ADRA1D: variants seen among roughly 807,000 people sequenced by gnomAD.
ADRA1D encodes alpha-1D adrenergic receptor.
ADRA1D carries 22 observed loss-of-function variants against 18.6 expected under a neutral mutation model. The observed-to-expected ratio is 1.19, with a 90% confidence interval of 0.85 to 1.69. ADRA1D has a LOEUF of 1.69. Among genes scored for constraint, ADRA1D ranks in the 40% most tolerant of loss-of-function variants. ADRA1D has a pLI of 0.00. For missense variants in ADRA1D, 840 were observed against 840.7 expected, an observed-to-expected ratio of 1.00 and a Z score of 0.01; for synonymous variants, 376 against 388.2, an observed-to-expected ratio of 0.97 and a Z score of 0.37.
At chr20:4,236,776 G>T (rs541691537) in intron 1 of ADRA1D, among the ~76,000 whole-genome samples, 1 of 152,286 alleles carries the variant, frequency 6.6e-6, no homozygotes, top group East Asian at 1.9e-4. Context: ...AGAGGGAGAC[G>T]TGGCAACAGA....
intron 1 of ADRA1D, among the ~76,000 whole-genome samples, chr20:4,235,667 G>T (rs1292579766): frequency 6.6e-6 from 1 of 152,236 alleles, no homozygotes; most frequent in Non-Finnish European, 1.5e-5. Context: ...GGGAGAGAAG[G>T]TTCCCAGGCA....
chr20:4,221,722 G>T lies in ADRA1D; in HGVS notation c.1520C>A (p.Thr507Lys), dbSNP rs370147908. Residue 507 changes from threonine to lysine, a missense_variant, in exon 2 of 2, where the codon ACG (threonine) becomes AAG (lysine). Thr to Lys is a moderately conservative substitution (Grantham distance 78, BLOSUM62 -1). Coordinates refer to ENST00000379453, the MANE Select transcript of ADRA1D (RefSeq NM_000678.4). ...GGAGACTTTGGCGCGCAGCTGGGTC[G>T]TGGGTCTCCGGAACGGCCCCAGCAG... ...WRLLGPFRRPTTQLRAKVSSL... is the reference protein window; with the variant it reads ...WRLLGPFRRPKTQLRAKVSSL... The T allele has an allele frequency of 6.2e-7, 1 of 1,608,016 alleles. No homozygotes were observed.
chr20:4,222,414 C>G lies in ADRA1D; in HGVS notation c.1112-284G>C. 6.3e-6 allele frequency: 2 copies of G among 315,860 alleles called. No homozygotes were observed. The highest frequency in any genetic ancestry group is 9.7e-5 in the Admixed American group (2 of 20,570). 19.6% of individuals were successfully genotyped at this position (315,860 alleles called of 1,614,324 possible). A position where few individuals can be genotyped will look rare whatever the true frequency, so the allele number is the denominator to read the frequency against. On this transcript the variant is annotated intron_variant, in intron 1 of 1. Transcript: ENST00000379453. The surrounding 1 kb of genome is among the most constrained non-coding windows in gnomAD (Gnocchi z 4.3). ...ACGTGCAATTGCTGTTTTTGTAGCTCAAAACCGGTGCAATATTGGCAGTTT... is the reference window on the plus strand; with the variant it reads ...ACGTGCAATTGCTGTTTTTGTAGCTGAAAACCGGTGCAATATTGGCAGTTT...
chr20:4,244,951 C>CATT, intron 1 of ADRA1D, among the ~76,000 whole-genome samples: 1 of 152,338 alleles, frequency 6.6e-6, no homozygotes, highest in Non-Finnish European at 1.5e-5. Flanking sequence ...CAGCACAGAC[C>CATT]ATTAGGAAGG....
intron 1 of ADRA1D, among the ~76,000 whole-genome samples, chr20:4,223,964 G>T (rs916699401): frequency 2.6e-5 from 4 of 152,178 alleles, no homozygotes; most frequent in Non-Finnish European, 4.4e-5. Context: ...CATGTAGGGT[G>T]GCAGCCACAG....
At chr20:4,246,199 T>C (rs1981333498) in intron 1 of ADRA1D, among the ~76,000 whole-genome samples, 2 of 152,042 alleles carry the variant, frequency 1.3e-5, no homozygotes, top group Admixed American at 1.3e-4. Flanking sequence ...GTGGACTCAG[T>C]GATGACCCAG....
At position 4,221,924 on chromosome 20, in the gene ADRA1D, C is replaced by T. The variant is rs112231239; in HGVS notation, c.1318G>A (p.Ala440Thr). The T allele has an allele frequency of 6.5e-7, 1 of 1,530,918 alleles. No homozygotes were observed. Among genetic ancestry groups the T allele is most frequent in the African/African-American group, 1.4e-5 (1 of 71,512 alleles). 94.8% of individuals were successfully genotyped at this position (1,530,918 alleles called of 1,614,324 possible). ...TCCTGGCGCAGGCCGCTGGTGGAGG[C>T]CCGCCAGTGGTGGCCGTAGACACGC... ...LWRVYGHHWR[A>T]STSGLRQDCA... The change falls in exon 2 of 2, where the codon GCC becomes ACC. Residue 440 changes from alanine (A) to threonine (T), a missense_variant. Ala to Thr is a moderately conservative substitution (Grantham distance 58). Coordinates refer to ENST00000379453, the MANE Select transcript of ADRA1D (RefSeq NM_000678.4).
rs1044119821 is a variant in ADRA1D at position 4,249,147 on chromosome 20, G to C, written c.-190C>G. ...GAGCTGCCTGGCCCGGGCGGCGGCC[G>C]GGCTCCCCGAGGCCGGCCGTGGAGT... On this transcript the variant is annotated 5_prime_UTR_variant, in exon 1 of 2. Coordinates refer to ENST00000379453, the MANE Select transcript of ADRA1D (RefSeq NM_000678.4). 4.2e-5 allele frequency: 13 copies of C among 312,838 alleles called. No individual in the cohort carries two copies. Among genetic ancestry groups the C allele is most frequent in the Non-Finnish European group, 5.4e-5 (11 of 203,318 alleles). 19.4% of individuals were successfully genotyped at this position (312,838 alleles called of 1,614,324 possible).
Position 4,248,757 on chromosome 20 carries a change from G to A in ADRA1D, c.201C>T (p.Ser67=). The A allele has an allele frequency of 6.7e-7, 1 of 1,482,570 alleles. No individual in the cohort carries two copies. The allele number at this position is 1,482,570 out of a possible 1,614,324, so 91.8% of individuals were successfully genotyped here. ...VGAGSGEDNR[S]SAGEPGSAGA... ...CCGCGCTCCCCGGCTCCCCCGCGGA[G>A]CTCCGGTTGTCCTCGCCGCTGCCTG... Residue 67 remains serine, a synonymous_variant, in exon 1 of 2, where the codon AGC becomes AGT. Coordinates refer to ENST00000379453, the MANE Select transcript of ADRA1D (RefSeq NM_000678.4).
chr20:4,225,575 T>G (rs1333201861), intron 1 of ADRA1D, among the ~76,000 whole-genome samples: 1 of 151,792 alleles, frequency 6.6e-6, no homozygotes, highest in Non-Finnish European at 1.5e-5. Context: ...GGGTGCACCA[T>G]CATATTCGGC....
chr20:4,238,426 CT>C (rs772129867), intron 1 of ADRA1D, among the ~76,000 whole-genome samples: 3 of 152,064 alleles, frequency 2.0e-5, no homozygotes, highest in Non-Finnish European at 4.4e-5. Context: ...GAGGGAGAAT[CT>C]TTAAGAAAGC....
intron 1 of ADRA1D, among the ~76,000 whole-genome samples, chr20:4,232,216 C>T (rs1265392506): frequency 1.3e-5 from 2 of 152,204 alleles, no homozygotes; most frequent in Non-Finnish European, 2.9e-5. Context: ...GCCCGGCAGC[C>T]TCTGGGTTTT....
chr20:4,245,675 G>A (rs1981319746), intron 1 of ADRA1D, among the ~76,000 whole-genome samples: 1 of 152,232 alleles, frequency 6.6e-6, no homozygotes, highest in Admixed American at 6.5e-5. Flanking sequence ...TTCTACACAG[G>A]TTGGGCGTTC....
Position 4,222,948 on chromosome 20 carries a change from C to A in ADRA1D, c.1112-818G>T, listed in dbSNP as rs541479235. ...GTTAATTTTTTAAAAGCTTTTTTTT[C>A]TTTAATTGATAATATGATTCAAACG... On this transcript the variant is annotated intron_variant, in intron 1 of 1. Transcript: ENST00000379453. This position sits in a 1 kb window ranked among gnomAD's most constrained non-coding sequence, Gnocchi z 4.3. Among the ~76,000 whole-genome samples, 3 of 152,050 alleles carry A rather than the reference C, an allele frequency of 2.0e-5. No individual in the cohort carries two copies. The East Asian group carries it at 5.8e-4, about 29-fold the overall frequency.
At chr20:4,225,380 T>C (rs892266093) in intron 1 of ADRA1D, among the ~76,000 whole-genome samples, 1 of 151,670 alleles carries the variant, frequency 6.6e-6, no homozygotes, top group African/African-American at 2.4e-5. Context: ...TCCCAGCACT[T>C]AGCAGGCTCT....
At position 4,248,475 on chromosome 20, in the gene ADRA1D, G is replaced by A; in HGVS notation, c.483C>T (p.Phe161=). 1 of 1,613,384 alleles carries A rather than the reference G, an allele frequency of 6.2e-7. No individual in the cohort carries two copies. Among genetic ancestry groups the A allele is most frequent in the Middle Eastern group, 1.7e-4 (1 of 6,060 alleles). The part of the protein sequence containing the change: ...PFSATMEVLG[F]WAFGRAFCDV... ...CGCAGAAGGCGCGGCCAAAGGCCCA[G>A]AAGCCCAGAACCTCCATGGTGGCCG... The change falls in exon 1 of 2, where the codon TTC becomes TTT. Residue 161 remains phenylalanine (F), a synonymous_variant. Coordinates refer to ENST00000379453, the MANE Select transcript of ADRA1D (RefSeq NM_000678.4).
intron 1 of ADRA1D, among the ~76,000 whole-genome samples, chr20:4,237,657 ATTTTTTT>A (rs11476310): frequency 2.5e-5 from 3 of 121,058 alleles, no homozygotes; most frequent in African/African-American, 9.2e-5. Context: ...TAATGTCAGG[ATTTTTTT>A]TTTTTTTTTT....
chr20:4,235,044 G>A (rs549856717), intron 1 of ADRA1D, among the ~76,000 whole-genome samples: 68 of 152,218 alleles, frequency 4.5e-4, no homozygotes, highest in Non-Finnish European at 5.7e-4. Context: ...AAGACTCGAA[G>A]GGGTGAGTCG....
chr20:4,240,175 C>T (rs914980846), intron 1 of ADRA1D, among the ~76,000 whole-genome samples: 9 of 152,112 alleles, frequency 5.9e-5, no homozygotes, highest in Non-Finnish European at 1.3e-4. Flanking sequence ...ACAGGATACA[C>T]CTGGGGACAA....
Sources: gnomAD v4.1 joint callset for allele counts (sites outside exome capture counted in the v4.1 genomes callset) on GRCh38, gnomAD v4.1.1 for gene constraint, Gnocchi (gnomAD v3.1) non-coding constraint, MANE v1.5 for transcripts, NCBI Gene and HGNC (gene_info 2026-07-23, HGNC 2026-07-21) for gene names.